Variants in ZIM2 observed in about 807,000 individuals in gnomAD.
The protein encoded by ZIM2 is zinc finger imprinted 2.
Under a neutral mutation model 38.6 loss-of-function variants are expected in ZIM2, and 14 were observed. That is an observed-to-expected ratio of 0.36 (90% CI 0.24 to 0.57). The LOEUF (loss-of-function observed/expected upper bound fraction) is 0.57, where lower values mean the gene tolerates loss of function less well. Ranked by LOEUF, ZIM2 falls within the 20% of genes least tolerant of loss-of-function variation. The pLI is 0.81. For synonymous variants in ZIM2, 247 were observed against 245.8 expected, an observed-to-expected ratio of 1.00 and a Z score of -0.04; for missense variants, 680 against 695.1, an observed-to-expected ratio of 0.98 and a Z score of 0.24.
intron 2 of ZIM2, among the ~76,000 whole-genome samples, chr19:56,834,969 G>C (rs1296983443): frequency 2.0e-5 from 3 of 152,156 alleles, no homozygotes; most frequent in Non-Finnish European, 2.9e-5. Context: ...ACAACCTCTA[G>C]CTATGTGCTT....
chr19:56,807,548 C>G (rs1375812922), intron 9 of ZIM2, among the ~76,000 whole-genome samples: 1 of 152,202 alleles, frequency 6.6e-6, no homozygotes, highest in Non-Finnish European at 1.5e-5. Flanking sequence ...GTGGCTCACG[C>G]CTGTAATCCC....
intron 10 of ZIM2, among the ~76,000 whole-genome samples, chr19:56,783,500 T>C (rs1456421990): frequency 6.6e-6 from 1 of 152,206 alleles, no homozygotes; most frequent in African/African-American, 2.4e-5. Flanking sequence ...TCGTGTCCTC[T>C]GCAGCAACCG....
At chr19:56,792,696 G>A (rs1309073070) in intron 9 of ZIM2, among the ~76,000 whole-genome samples, 1 of 152,032 alleles carries the variant, frequency 6.6e-6, no homozygotes, top group Admixed American at 6.6e-5. Flanking sequence ...TTGAAAAACT[G>A]CCTATCCAGT....
At chr19:56,813,661 T>C in intron 9 of ZIM2, 1 of 1,606,390 alleles carries the variant, frequency 6.2e-7, no homozygotes, top group Non-Finnish European at 8.5e-7. Flanking sequence ...TTTTCTAACC[T>C]TTACCCCATG....
At chr19:56,815,901 G>A in intron 9 of ZIM2, 1 of 1,612,238 alleles carries the variant, frequency 6.2e-7, no homozygotes. Flanking sequence ...CATTTCCATT[G>A]TGACTTCTTG....
chr19:56,802,488 T>C (rs887857816), intron 9 of ZIM2, among the ~76,000 whole-genome samples: 2 of 152,178 alleles, frequency 1.3e-5, no homozygotes, highest in Admixed American at 6.5e-5. Flanking sequence ...TCCTCCGTGT[T>C]AAGAAATCAA....
intron 10 of ZIM2, among the ~76,000 whole-genome samples, chr19:56,783,103 A>C (rs1402246718): frequency 6.6e-6 from 1 of 152,148 alleles, no homozygotes; most frequent in East Asian, 1.9e-4. Context: ...ACTCATGTGT[A>C]CTTAAAGACA....
chr19:56,792,989 C>T (rs574917489), intron 9 of ZIM2: 1 of 152,806 alleles, frequency 6.5e-6, no homozygotes, highest in East Asian at 1.9e-4. Context: ...CCAGTTGCTT[C>T]CTCCTTCTCA....
chr19:56,790,307 C>T (rs1488323198), intron 9 of ZIM2, among the ~76,000 whole-genome samples: 1 of 152,152 alleles, frequency 6.6e-6, no homozygotes, highest in Non-Finnish European at 1.5e-5. Flanking sequence ...CAGTAGTCCC[C>T]ACTTATCTGA....
rs951762619 is a variant in ZIM2, at chr19:56,775,173, G to A, written c.1192C>T (p.Leu398Phe). 1.9e-6 allele frequency: 3 copies of A among 1,614,144 alleles called. No homozygotes were observed. Among genetic ancestry groups the A allele is most frequent in the Non-Finnish European group, 1.7e-6 (2 of 1,180,034 alleles). ...TGATGTCTGTTGAGGTGTGGCATGA[G>A]ATAGAAGGCTTCAGCACACTGTTTA... Reference protein sequence around the residue: ...ECKQCAEAFYLMPHLNRHQKT... With the variant: ...ECKQCAEAFYFMPHLNRHQKT... Residue 398 changes from leucine (L) to phenylalanine (F), a missense_variant, in exon 13 of 13, where the codon CTC (leucine) becomes TTC (phenylalanine). By Grantham distance (22) the Leu-to-Phe change is conservative. Transcript: ENST00000629319.
At chr19:56,811,433 G>A (rs991700611) in intron 9 of ZIM2, 8 of 914,042 alleles carry the variant, frequency 8.8e-6, no homozygotes, top group Non-Finnish European at 9.1e-6. Flanking sequence ...ATATTTCCAC[G>A]TTGCTACATA....
intron 2 of ZIM2, among the ~76,000 whole-genome samples, chr19:56,829,485 C>G (rs948620486): frequency 6.6e-6 from 1 of 152,036 alleles, no homozygotes; most frequent in South Asian, 2.1e-4. Flanking sequence ...TGGGAAGGGA[C>G]GAGCACCACT....
chr19:56,795,660 G>T (rs1416715980), intron 9 of ZIM2, among the ~76,000 whole-genome samples: 1 of 152,082 alleles, frequency 6.6e-6, no homozygotes, highest in African/African-American at 2.4e-5. Context: ...CGACGTAGGA[G>T]GGCGCTCCTG....
At chr19:56,805,266 G>T (rs764556043) in intron 9 of ZIM2, among the ~76,000 whole-genome samples, 1 of 152,092 alleles carries the variant, frequency 6.6e-6, no homozygotes, top group Non-Finnish European at 1.5e-5. Flanking sequence ...AGGGCAAATC[G>T]TTCAATCCCA....
chr19:56,782,388 TCAG>T, intron 10 of ZIM2: 1 of 474,520 alleles, frequency 2.1e-6, no homozygotes, highest in Non-Finnish European at 4.0e-6. Context: ...ACTTAAAAGC[TCAG>T]CAGTATACCT....
intron 9 of ZIM2, chr19:56,811,637 A>G (rs1279164616): frequency 1.0e-6 from 1 of 984,946 alleles, no homozygotes; most frequent in African/African-American, 1.8e-5. Flanking sequence ...ATGTACCCAC[A>G]AAGTTCACCC....
chr19:56,780,121 GTTAATGAA>G (rs1407433146), intron 11 of ZIM2, among the ~76,000 whole-genome samples: 5 of 152,142 alleles, frequency 3.3e-5, no homozygotes, highest in African/African-American at 1.2e-4. Flanking sequence ...TCACTGACGA[GTTAATGAA>G]TGACCCTTGC....
rs139712759 is a variant in ZIM2, at chr19:56,821,307, C to T, written c.294+344G>A. On this transcript the variant is annotated intron_variant, in intron 7 of 12. Coordinates refer to ENST00000629319, the MANE Select transcript of ZIM2 (RefSeq NM_001387356.1). ...TGTGCTCCCTGGCCAGTCTACTCTG[C>T]AGACCCACAGCTTTCCTGGCTCCCT... 2.8e-3 allele frequency among the ~76,000 whole-genome samples: 419 copies of T among 152,320 alleles called. 2 individuals are homozygous for T. Among genetic ancestry groups the T allele is most frequent in the African/African-American group, 9.4e-3 (392 of 41,564 alleles).
chr19:56,839,880 G>A (rs1363923801), intron 1 of ZIM2, among the ~76,000 whole-genome samples: 1 of 152,194 alleles, frequency 6.6e-6, no homozygotes, highest in East Asian at 1.9e-4. Context: ...GCCTTGCCCC[G>A]CCCCATCTGC....
Sources: allele counts gnomAD v4.1 joint callset (sites outside exome capture counted in the v4.1 genomes callset), GRCh38; gene constraint gnomAD v4.1.1; transcripts MANE v1.5; gene names NCBI Gene and HGNC (gene_info 2026-07-23, HGNC 2026-07-21).